GRIN3A: variants seen among roughly 807,000 people sequenced by gnomAD.
GRIN3A encodes glutamate receptor ionotropic, NMDA 3A.
GRIN3A carries 47 observed loss-of-function variants against 92.4 expected under a neutral mutation model. That is an observed-to-expected ratio of 0.51 (90% confidence interval 0.40 to 0.65). The LOEUF is 0.65. Ranked by LOEUF, GRIN3A falls within the 30% of genes least tolerant of loss-of-function variation. The pLI, the probability that GRIN3A is intolerant of heterozygous loss-of-function variation, is 0.00. For synonymous variants in GRIN3A, 527 were observed against 540.6 expected, an observed-to-expected ratio of 0.97 and a Z score of 0.35; for missense variants, 1,324 against 1,393.1, an observed-to-expected ratio of 0.95 and a Z score of 0.79.
chr9:101,701,291 G>A (rs925673019), intron 1 of GRIN3A, among the ~76,000 whole-genome samples: 2 of 152,094 alleles, frequency 1.3e-5, no homozygotes, highest in South Asian at 2.1e-4. Flanking sequence ...TATGTCATGG[G>A]GGTTTGTTGT....
rs554454421 is a variant in GRIN3A at position 101,574,954 on chromosome 9, C to A, written c.3009-1441G>T. Reference sequence around the variant, plus strand: ...AGCCCTTAGCTGCTTTCCCCATCCCCCAAAGTTGGCTACAGACATATGAGC... The same window carrying A: ...AGCCCTTAGCTGCTTTCCCCATCCCACAAAGTTGGCTACAGACATATGAGC... On this transcript the variant is annotated intron_variant, in intron 8 of 8. Coordinates refer to ENST00000361820, the MANE Select transcript of GRIN3A (RefSeq NM_133445.3). 6.8e-4 allele frequency among the ~76,000 whole-genome samples: 104 copies of A among 152,350 alleles called. 1 individual carries two copies. Among genetic ancestry groups the A allele is most frequent in the African/African-American group, 2.2e-3 (91 of 41,588 alleles).
chr9:101,653,709 A>G (rs1829043624), intron 3 of GRIN3A, among the ~76,000 whole-genome samples: 1 of 151,798 alleles, frequency 6.6e-6, no homozygotes, highest in African/African-American at 2.4e-5. Flanking sequence ...TTGTGTCTCT[A>G]CTTTGTTTTC....
intron 3 of GRIN3A, among the ~76,000 whole-genome samples, chr9:101,650,198 C>T (rs1470715525): frequency 4.6e-5 from 7 of 151,984 alleles, no homozygotes; most frequent in Admixed American, 4.6e-4. Context: ...AGAAAAGGAA[C>T]CCAAACTCTA....
chr9:101,696,447 A>C lies in GRIN3A; in HGVS notation c.700-9247T>G, dbSNP rs563113630. 5.3e-5 allele frequency among the ~76,000 whole-genome samples: 8 copies of C among 152,342 alleles called. No individual in the cohort carries two copies. The East Asian group carries it at 1.5e-3, about 29-fold the overall frequency. Reference sequence around the variant, plus strand: ...ACTTCTTAATCTGTATATCATAAAGAGTAAGATTATTTGCTGAATTTTAAG... The same window carrying C: ...ACTTCTTAATCTGTATATCATAAAGCGTAAGATTATTTGCTGAATTTTAAG... On this transcript the variant is annotated intron_variant, in intron 1 of 8. Transcript: ENST00000361820.
chr9:101,712,696 A>G (rs1829894274), intron 1 of GRIN3A, among the ~76,000 whole-genome samples: 1 of 152,210 alleles, frequency 6.6e-6, no homozygotes, highest in Admixed American at 6.5e-5. Flanking sequence ...TCTACTAATA[A>G]TCAGCTTATT....
At chr9:101,687,639 A>G (rs1829556929) in intron 1 of GRIN3A, among the ~76,000 whole-genome samples, 1 of 152,230 alleles carries the variant, frequency 6.6e-6, no homozygotes. Context: ...AGGAAATCTT[A>G]GCAAAATGCA....
intron 2 of GRIN3A, among the ~76,000 whole-genome samples, chr9:101,686,391 A>C (rs1829533230): frequency 6.6e-6 from 1 of 152,206 alleles, no homozygotes; most frequent in African/African-American, 2.4e-5. Context: ...CACTCCCACT[A>C]TACCATGTAC....
At chr9:101,703,769 G>A (rs1471092070) in intron 1 of GRIN3A, among the ~76,000 whole-genome samples, 1 of 152,112 alleles carries the variant, frequency 6.6e-6, no homozygotes, top group Non-Finnish European at 1.5e-5. Flanking sequence ...GAATTGTTTT[G>A]GGGGCTTATT....
chr9:101,667,736 CTGTT>C (rs1829259728), intron 3 of GRIN3A, among the ~76,000 whole-genome samples: 1 of 151,966 alleles, frequency 6.6e-6, no homozygotes, highest in Non-Finnish European at 1.5e-5. Flanking sequence ...TCTTGTATCT[CTGTT>C]TGAGAGTGAG....
intron 3 of GRIN3A, among the ~76,000 whole-genome samples, chr9:101,645,592 C>T (rs1828927039): frequency 6.6e-6 from 1 of 151,128 alleles, no homozygotes. Context: ...TTGAGAGGCC[C>T]CAATAATGTT....
chr9:101,585,020 A>G (rs543634971), intron 6 of GRIN3A, among the ~76,000 whole-genome samples: 2 of 152,302 alleles, frequency 1.3e-5, no homozygotes, highest in South Asian at 4.2e-4. Context: ...CTGGTTTTCT[A>G]GAGTGTTGTC....
At chr9:101,612,395 T>C (rs1281743192) in intron 6 of GRIN3A, among the ~76,000 whole-genome samples, 1 of 151,826 alleles carries the variant, frequency 6.6e-6, no homozygotes, top group Non-Finnish European at 1.5e-5. Flanking sequence ...GGAGGAAAAA[T>C]AGATTTAGGA....
chr9:101,601,309 A>C (rs530879368), intron 6 of GRIN3A, among the ~76,000 whole-genome samples: 1 of 152,286 alleles, frequency 6.6e-6, no homozygotes, highest in East Asian at 1.9e-4. Flanking sequence ...GGGAAAGCAC[A>C]CGTTTTATCA....
intron 6 of GRIN3A, chr9:101,594,481 C>T (rs537608957): frequency 5.0e-6 from 8 of 1,614,174 alleles, no homozygotes; most frequent in African/African-American, 4.0e-5. Flanking sequence ...CAAAGGATAT[C>T]TTCCCATCGC....
At chr9:101,578,628 A>G (rs1273158611) in intron 7 of GRIN3A, among the ~76,000 whole-genome samples, 1 of 152,120 alleles carries the variant, frequency 6.6e-6, no homozygotes, top group Admixed American at 6.5e-5. Context: ...ATTCAGGGAG[A>G]GATATGCAAA....
chr9:101,661,602 G>GTAAAC (rs1829172739), intron 3 of GRIN3A, among the ~76,000 whole-genome samples: 1 of 151,826 alleles, frequency 6.6e-6, no homozygotes, highest in East Asian at 1.9e-4. Flanking sequence ...TTATAAGTTA[G>GTAAAC]TAATTGTGCT....
At chr9:101,651,162 C>T (rs533804352) in intron 3 of GRIN3A, among the ~76,000 whole-genome samples, 64 of 151,972 alleles carry the variant, frequency 4.2e-4, no homozygotes, top group Non-Finnish European at 7.5e-4. Context: ...TGAAATGTTT[C>T]AGGCATATTT....
chr9:101,613,593 A>G (rs1828398932), intron 5 of GRIN3A, 66 bp from the exon 6 acceptor site: 29 of 1,516,260 alleles, frequency 1.9e-5, no homozygotes, highest in Non-Finnish European at 2.6e-5. Context: ...ACCACAGTAC[A>G]TATTTGTGTG....
At chr9:101,645,844 T>C (rs371559677) in intron 3 of GRIN3A, among the ~76,000 whole-genome samples, 2 of 151,604 alleles carry the variant, frequency 1.3e-5, no homozygotes, top group African/African-American at 4.8e-5. Flanking sequence ...TTTTTTCATA[T>C]ACCTGTTGGC....
Sources: allele counts gnomAD v4.1 joint callset (sites outside exome capture counted in the v4.1 genomes callset), GRCh38; gene constraint gnomAD v4.1.1; transcripts MANE v1.5; gene names NCBI Gene and HGNC (gene_info 2026-07-23, HGNC 2026-07-21).